Variants in GPATCH2 observed in about 807,000 individuals in gnomAD.
GPATCH2 encodes G patch domain-containing protein 2.
In GPATCH2, 51 loss-of-function variants were observed where a neutral mutation model predicts 58.0. The ratio of observed to expected loss-of-function variants is 0.88; its 90% confidence interval spans 0.70 to 1.11. The LOEUF (loss-of-function observed/expected upper bound fraction) is 1.11, where lower values mean the gene tolerates loss of function less well. GPATCH2 is among the 50% of genes most tolerant of loss of function. The pLI is 0.00. For synonymous variants in GPATCH2, 222 were observed against 218.5 expected (o/e 1.02, Z -0.14); for missense variants, 625 against 652.2 (o/e 0.96, Z 0.45).
intron 8 of GPATCH2, among the ~76,000 whole-genome samples, chr1:217,485,512 G>C (rs1476608483): frequency 7.1e-6 from 1 of 140,900 alleles, no homozygotes; most frequent in Non-Finnish European, 1.5e-5. Flanking sequence ...ACTATTTGTT[G>C]AAAAGACTGT....
intron 8 of GPATCH2, among the ~76,000 whole-genome samples, chr1:217,491,299 T>G (rs1196682896): frequency 3.3e-5 from 5 of 152,136 alleles, no homozygotes; most frequent in Non-Finnish European, 5.9e-5. Flanking sequence ...TTCCCAGTCT[T>G]TACTCATTTA....
At chr1:217,574,985 G>A (rs1184540835) in intron 5 of GPATCH2, among the ~76,000 whole-genome samples, 1 of 152,096 alleles carries the variant, frequency 6.6e-6, no homozygotes, top group Non-Finnish European at 1.5e-5. Context: ...CCACACACAG[G>A]GTTGGAAATG....
chr1:217,593,571 A>G (rs1422620377), intron 5 of GPATCH2, among the ~76,000 whole-genome samples: 2 of 152,046 alleles, frequency 1.3e-5, no homozygotes, highest in Admixed American at 6.6e-5. Context: ...CCTAAATCCA[A>G]TTCCTGCTAC....
chr1:217,479,725 T>C lies in GPATCH2; in HGVS notation c.1277+11955A>G, dbSNP rs566038240. Among the ~76,000 whole-genome samples, 5 of 152,202 alleles carry C rather than the reference T, an allele frequency of 3.3e-5. No individual in the cohort carries two copies. The East Asian group carries it at 5.8e-4, about 18-fold the overall frequency. ...AGTTAATAGACAGAGAATGGCTGAA[T>C]GGATAAAAATTCAAGAGCCAATGAT... On this transcript the variant is annotated intron_variant, in intron 8 of 9. Transcript: ENST00000366935.
chr1:217,434,070 G>C (rs1330908393), intron 9 of GPATCH2, among the ~76,000 whole-genome samples: 2 of 152,210 alleles, frequency 1.3e-5, no homozygotes, highest in African/African-American at 4.8e-5. Flanking sequence ...ACTAGCCAAT[G>C]ATTAATTGGC....
At position 217,463,641 on chromosome 1, in the gene GPATCH2, C is replaced by CAAAAAAAAAA. The variant is rs201402598; in HGVS notation, c.1278-14314_1278-14305dup. ...GCAACATAGCAAGAACTTATCACTCCAAAAAAAAAAAAAAAAAAAAAAAAA... is the reference window on the plus strand; with the variant it reads ...GCAACATAGCAAGAACTTATCACTCCAAAAAAAAAAAAAAAAAAAAAAAAAAAAAAAAAAA... On this transcript the variant is annotated intron_variant, in intron 8 of 9. Transcript: ENST00000366935. Among the ~76,000 whole-genome samples, 45 of 82,470 alleles carry CAAAAAAAAAA rather than the reference C, an allele frequency of 5.5e-4. 7 individuals carry two copies. The highest frequency in any genetic ancestry group is 8.0e-4 in the Non-Finnish European group (36 of 45,030). 54.1% of individuals were successfully genotyped at this position (82,470 alleles called of 152,430 possible). A position where few individuals can be genotyped will look rare whatever the true frequency, so the allele number is the denominator to read the frequency against.
intron 8 of GPATCH2, among the ~76,000 whole-genome samples, chr1:217,485,850 G>A (rs933018669): frequency 3.3e-5 from 5 of 152,124 alleles, no homozygotes; most frequent in Non-Finnish European, 5.9e-5. Context: ...GTAATCTTCT[G>A]GGACCACTGT....
intron 5 of GPATCH2, among the ~76,000 whole-genome samples, chr1:217,556,745 C>T (rs1438447037): frequency 2.6e-5 from 4 of 152,166 alleles, no homozygotes; most frequent in East Asian, 1.9e-4. Flanking sequence ...ATCACAAATT[C>T]GTGAGATATG....
chr1:217,584,344 A>AAAAAAAAAAAAATATATATATATAT lies in GPATCH2; in HGVS notation c.1098+25976_1098+25977insATATATATATATATTTTTTTTTTTT, dbSNP rs1463910405. ...CTCACCTCTACTAAAAAAAAAAAAA[A>AAAAAAAAAAAAATATATATATATAT]ATATATATATATATATATATACACA... On this transcript the variant is annotated intron_variant, in intron 5 of 9. Transcript: ENST00000366935. Among the ~76,000 whole-genome samples the AAAAAAAAAAAAATATATATATATAT allele has an allele frequency of 2.2e-4, 22 of 101,804 alleles. 1 individual carries two copies. The highest frequency in any genetic ancestry group is 3.1e-4 in the Non-Finnish European group (16 of 51,222). 66.8% of individuals were successfully genotyped at this position (101,804 alleles called of 152,430 possible).
intron 9 of GPATCH2, 47 bp from the exon 10 acceptor site, chr1:217,431,412 T>G (rs1160429142): frequency 9.5e-7 from 1 of 1,048,534 alleles, no homozygotes; most frequent in Middle Eastern, 2.0e-4. Flanking sequence ...TGAACACAGG[T>G]GAAGATATTA....
chr1:217,457,419 T>C (rs1230106334), intron 8 of GPATCH2, among the ~76,000 whole-genome samples: 1 of 152,242 alleles, frequency 6.6e-6, no homozygotes, highest in Non-Finnish European at 1.5e-5. Context: ...TTAGAAATCA[T>C]TTATGTAAAA....
intron 5 of GPATCH2, among the ~76,000 whole-genome samples, chr1:217,580,306 A>G (rs1667009126): frequency 6.6e-6 from 1 of 152,216 alleles, no homozygotes; most frequent in African/African-American, 2.4e-5. Context: ...AGGATGAAAC[A>G]AAGGATGGGG....
chr1:217,578,360 C>T (rs933634096), intron 5 of GPATCH2, among the ~76,000 whole-genome samples: 16 of 152,116 alleles, frequency 1.1e-4, no homozygotes, highest in African/African-American at 3.9e-4. Flanking sequence ...AGGGATCCTC[C>T]CACCTCAGCC....
chr1:217,433,046 A>G (rs1369802930), intron 9 of GPATCH2, among the ~76,000 whole-genome samples: 1 of 150,724 alleles, frequency 6.6e-6, no homozygotes, highest in Non-Finnish European at 1.5e-5. Flanking sequence ...AAGTTTCATG[A>G]GTCTCTTTAG....
At chr1:217,614,474 C>G (rs6666508) in intron 2 of GPATCH2, among the ~76,000 whole-genome samples, 1 of 151,710 alleles carries the variant, frequency 6.6e-6, no homozygotes, top group African/African-American at 2.4e-5. Flanking sequence ...ACAATTGATG[C>G]ATTTTATCAT....
intron 8 of GPATCH2, among the ~76,000 whole-genome samples, chr1:217,449,748 A>G (rs1381679647): frequency 1.3e-5 from 2 of 152,196 alleles, no homozygotes; most frequent in African/African-American, 2.4e-5. Flanking sequence ...AGTATGATCA[A>G]TTTCTTTTAG....
intron 5 of GPATCH2, among the ~76,000 whole-genome samples, chr1:217,558,396 A>G (rs1160003476): frequency 6.6e-6 from 1 of 152,226 alleles, no homozygotes; most frequent in African/African-American, 2.4e-5. Flanking sequence ...ACATTAAACA[A>G]CAATGGAATC....
chr1:217,448,452 G>GT (rs1659496973), intron 9 of GPATCH2, among the ~76,000 whole-genome samples: 1 of 152,146 alleles, frequency 6.6e-6, no homozygotes, highest in African/African-American at 2.4e-5. Context: ...TTATATGTTG[G>GT]TGTCTACATT....
intron 5 of GPATCH2, among the ~76,000 whole-genome samples, chr1:217,540,190 T>C (rs1664667825): frequency 6.6e-6 from 1 of 152,120 alleles, no homozygotes; most frequent in Non-Finnish European, 1.5e-5. Flanking sequence ...GGGGTTCTAA[T>C]GGTCTTTAAA....
Sources: allele counts gnomAD v4.1 joint callset (sites outside exome capture counted in the v4.1 genomes callset), GRCh38; gene constraint gnomAD v4.1.1; transcripts MANE v1.5; gene names NCBI Gene and HGNC (gene_info 2026-07-23, HGNC 2026-07-21).